Variants in DPM1 observed in about 807,000 individuals in gnomAD.
DPM1 encodes dolichol-phosphate mannosyltransferase subunit 1.
In DPM1, 27 loss-of-function variants were observed where a neutral mutation model predicts 39.0. That is an observed-to-expected ratio of 0.69 (90% confidence interval 0.51 to 0.95). The LOEUF (loss-of-function observed/expected upper bound fraction) is 0.95, where lower values mean the gene tolerates loss of function less well. Among genes scored for constraint, DPM1 ranks in the 40% least tolerant of loss-of-function variants. The pLI is 0.00. For missense variants in DPM1, 307 were observed against 315.6 expected, an observed-to-expected ratio of 0.97 and a Z score of 0.21; for synonymous variants, 124 against 109.0, an observed-to-expected ratio of 1.14 and a Z score of -0.86.
In DPM1 at chr20:50,955,285, A is replaced by G; in HGVS notation, c.162T>C (p.Ser54=). ...VWLLVKSFSE[S]GINYEIIIID... is the part of the protein sequence containing the mutation. The stretch of plus-strand genomic sequence containing the variant: ...TGATTATAATTTCATAGTTGATTCC[A>G]CTAAAAAAATTAAATTTGTATTAAT... Residue 54 remains serine (S), a splice_region_variant and synonymous_variant, in exon 2 of 9, where the codon AGT becomes AGC. Transcript: ENST00000371588. The G allele has an allele frequency of 6.2e-7, 1 of 1,608,120 alleles. No homozygotes were observed. The highest frequency in any genetic ancestry group is 8.5e-7 in the Non-Finnish European group (1 of 1,175,710).
intron 5 of DPM1, among the ~76,000 whole-genome samples, chr20:50,942,727 A>G (rs1463786521): frequency 1.3e-5 from 2 of 152,206 alleles, no homozygotes; most frequent in East Asian, 3.9e-4. Flanking sequence ...CCTTCTTTGA[A>G]GCAAATAATA....
intron 3 of DPM1, among the ~76,000 whole-genome samples, chr20:50,946,877 A>G (rs1986318189): frequency 6.6e-6 from 1 of 151,978 alleles, no homozygotes. Flanking sequence ...GTTTGAGACT[A>G]GCCTAACCAA....
chr20:50,946,166 T>G (rs1986270858), intron 3 of DPM1, among the ~76,000 whole-genome samples: 1 of 152,206 alleles, frequency 6.6e-6, no homozygotes, highest in Admixed American at 6.5e-5. Context: ...ATACCTCTAT[T>G]TCAGTATAGC....
chr20:50,942,893 T>A (rs1985967114), intron 5 of DPM1, among the ~76,000 whole-genome samples: 1 of 152,080 alleles, frequency 6.6e-6, no homozygotes, highest in African/African-American at 2.4e-5. Flanking sequence ...ATACATATCA[T>A]GGGGTCAGAT....
intron 3 of DPM1, among the ~76,000 whole-genome samples, chr20:50,948,011 G>A (rs940352308): frequency 6.6e-6 from 1 of 152,194 alleles, no homozygotes; most frequent in African/African-American, 2.4e-5. Flanking sequence ...TTTGCCCTCA[G>A]ACCCATTCTC....
intron 1 of DPM1, 89 bp downstream of exon 1, chr20:50,958,274 C>T (rs1986943023): frequency 1.3e-6 from 2 of 1,546,160 alleles, no homozygotes; most frequent in South Asian, 1.2e-5. Context: ...GAAGGCTGGA[C>T]AGGGCCGCTT....
intron 1 of DPM1, among the ~76,000 whole-genome samples, chr20:50,957,589 G>C (rs1358620572): frequency 6.6e-6 from 1 of 152,150 alleles, no homozygotes; most frequent in Admixed American, 6.5e-5. Flanking sequence ...AAATAATCCA[G>C]TTCATTGCCA....
At chr20:50,950,944 T>C (rs1308010714) in intron 2 of DPM1, among the ~76,000 whole-genome samples, 3 of 152,212 alleles carry the variant, frequency 2.0e-5, no homozygotes, top group Non-Finnish European at 2.9e-5. Flanking sequence ...CAAGTGATAC[T>C]TTCTAAGACC....
At chr20:50,935,782 T>C (rs1985099362) in intron 8 of DPM1, among the ~76,000 whole-genome samples, 1 of 152,180 alleles carries the variant, frequency 6.6e-6, no homozygotes, top group African/African-American at 2.4e-5. Flanking sequence ...CTTCTCTTAC[T>C]AACAGGAAAT....
chr20:50,943,023 A>C (rs980137770), intron 5 of DPM1, among the ~76,000 whole-genome samples: 6 of 152,090 alleles, frequency 3.9e-5, no homozygotes, highest in Admixed American at 3.3e-4. Context: ...TAAAAATACA[A>C]AAATTAGCCA....
At chr20:50,955,400 G>T (rs1438142171) in intron 1 of DPM1, 115 bp from the exon 2 acceptor site, 2 of 754,286 alleles carry the variant, frequency 2.7e-6, no homozygotes, top group Non-Finnish European at 4.4e-6. Flanking sequence ...TATATTAATC[G>T]TTGAGGAAAA....
intron 2 of DPM1, among the ~76,000 whole-genome samples, chr20:50,949,206 C>CT (rs892953235): frequency 7.9e-5 from 12 of 152,152 alleles, no homozygotes; most frequent in East Asian, 5.8e-4. Context: ...CAATTTTAAA[C>CT]TTTTTTTTCT....
chr20:50,941,034 T>C, intron 6 of DPM1, 101 bp from the exon 7 acceptor site: 1 of 1,137,116 alleles, frequency 8.8e-7, no homozygotes, highest in Admixed American at 2.0e-5. Context: ...ATTTCATAAA[T>C]GTAACATTAA....
chr20:50,956,681 G>A (rs1446133050), intron 1 of DPM1, among the ~76,000 whole-genome samples: 2 of 152,202 alleles, frequency 1.3e-5, no homozygotes, highest in African/African-American at 2.4e-5. Flanking sequence ...TCCAAGAGTA[G>A]AACAATGACT....
intron 3 of DPM1, among the ~76,000 whole-genome samples, chr20:50,947,430 G>C (rs1322646445): frequency 6.6e-6 from 1 of 152,096 alleles, no homozygotes; most frequent in Non-Finnish European, 1.5e-5. Flanking sequence ...AGATTTTTTT[G>C]AATCCCAAAG....
chr20:50,948,321 C>T (rs529439986), intron 3 of DPM1, among the ~76,000 whole-genome samples: 1 of 152,224 alleles, frequency 6.6e-6, no homozygotes, highest in Non-Finnish European at 1.5e-5. Context: ...TGGCAGTGAC[C>T]TCCAGCTGTT....
chr20:50,945,218 T>C (rs1986187534), intron 5 of DPM1: 1 of 154,478 alleles, frequency 6.5e-6, no homozygotes, highest in South Asian at 2.0e-4. Flanking sequence ...AGAATTCAGA[T>C]AACGAACTAC....
intron 5 of DPM1, among the ~76,000 whole-genome samples, chr20:50,943,846 TCTC>T (rs1986084093): frequency 6.6e-6 from 1 of 151,540 alleles, no homozygotes; most frequent in African/African-American, 2.4e-5. Flanking sequence ...TTCATGCCAT[TCTC>T]CTGCCTCAGC....
rs746954425 is a variant in DPM1, at chr20:50,936,150, C to T, written c.676G>A (p.Glu226Lys). 2.0e-5 allele frequency: 32 copies of T among 1,606,280 alleles called. No homozygotes were observed. The highest frequency in any genetic ancestry group is 2.4e-5 in the Non-Finnish European group (28 of 1,173,162). The change falls in exon 8 of 9, where the codon GAG becomes AAG. Residue 226 changes from glutamate to lysine, a missense_variant and splice_region_variant. Physicochemically the swap from Glu to Lys is moderately conservative, Grantham distance 56. This residue lies in a region of DPM1 where 70 missense variants were observed against 69.4 expected (regional missense o/e 1.01). Coordinates refer to ENST00000371588, the MANE Select transcript of DPM1 (RefSeq NM_003859.3). ...RARQLNYTIG[E>K]VPISFVDRVY... is the part of the protein sequence containing the mutation. ...ACTATTTAGCATCAGTTGCATACCT[C>T]GCCAATAGTATAATTCAACTGTCTT...
Sources: allele counts gnomAD v4.1 joint callset (sites outside exome capture counted in the v4.1 genomes callset), GRCh38; gene constraint gnomAD v4.1.1; regional missense constraint gnomAD v4.1.1; transcripts MANE v1.5; gene names NCBI Gene and HGNC (gene_info 2026-07-23, HGNC 2026-07-21).